The following GBF1 variants were observed in gnomAD, a reference collection of about 807,000 sequenced individuals.
GBF1 encodes the protein Golgi-specific brefeldin A-resistance guanine nucleotide exchange factor 1.
GBF1 carries 114 observed loss-of-function variants against 210.5 expected under a neutral mutation model. The ratio of observed to expected loss-of-function variants is 0.54; its 90% confidence interval spans 0.47 to 0.63. GBF1 has a LOEUF of 0.63. GBF1 is among the 30% of genes least tolerant of loss of function. The pLI is 0.00. For synonymous variants in GBF1, 850 were observed against 889.2 expected (o/e 0.96, Z 0.78); for missense variants, 1,851 against 2,357.7 (o/e 0.79, Z 4.45).
chr10:102,251,306 T>C (rs1445631470), intron 1 of GBF1, among the ~76,000 whole-genome samples: 2 of 152,182 alleles, frequency 1.3e-5, no homozygotes, highest in Non-Finnish European at 2.9e-5. Context: ...CTCAGAGTTA[T>C]TGTCTTCTAT....
chr10:102,343,545 C>T (rs1048304291), intron 3 of GBF1, among the ~76,000 whole-genome samples: 45 of 152,128 alleles, frequency 3.0e-4, no homozygotes, highest in African/African-American at 9.2e-4. Flanking sequence ...GGGCCAGGCA[C>T]GGTGGCTCGC....
At chr10:102,283,404 A>C (rs1158541327) in intron 3 of GBF1, among the ~76,000 whole-genome samples, 1 of 152,204 alleles carries the variant, frequency 6.6e-6, no homozygotes. Context: ...AATAGCAATG[A>C]GCAAAACAAT....
At chr10:102,379,223 G>A (rs979107522) in intron 33 of GBF1, 61 bp from the exon 34 acceptor site, 8 of 1,515,976 alleles carry the variant, frequency 5.3e-6, no homozygotes, top group Middle Eastern at 4.7e-4. Context: ...TGAGTGGGGA[G>A]GGGGAAAGGG....
chr10:102,380,559 G>T lies in GBF1; in HGVS notation c.5046G>T (p.Ala1682=), dbSNP rs137857537. 6.2e-7 allele frequency: 1 copy of T among 1,613,922 alleles called. No homozygotes were observed. Among genetic ancestry groups the T allele is most frequent in the South Asian group, 1.1e-5 (1 of 91,084 alleles). Residue 1682 remains alanine (A), a synonymous_variant, in exon 38 of 40, where the codon GCG becomes GCT. Coordinates refer to ENST00000369983, the MANE Select transcript of GBF1 (RefSeq NM_001377137.1). The part of the protein sequence containing the change: ...LKNMLLVMDT[A]EIFHSADARG... ...ACATGCTTCTGGTGATGGACACAGC[G>T]GAGATTTTCCACAGTGCAGATGCAC... is the stretch of plus-strand genomic sequence containing the variant.
chr10:102,297,904 A>G (rs1405575964), intron 3 of GBF1, among the ~76,000 whole-genome samples: 1 of 152,122 alleles, frequency 6.6e-6, no homozygotes, highest in African/African-American at 2.4e-5. Flanking sequence ...CTGGAATGAA[A>G]GAGTTGAAAC....
At chr10:102,317,005 C>A (rs1299095342) in intron 3 of GBF1, among the ~76,000 whole-genome samples, 3 of 152,120 alleles carry the variant, frequency 2.0e-5, no homozygotes, top group Non-Finnish European at 2.9e-5. Flanking sequence ...TCATGAACAA[C>A]AAAGCAGTGC....
At position 102,366,981 on chromosome 10, in the gene GBF1, G is replaced by A; in HGVS notation, c.2434-104G>A. The stretch of plus-strand genomic sequence containing the variant: ...GTTGGCAAGAGACTGGCCACTTTCT[G>A]GATGGTACCTCTCCTCTGTACTAGC... On this transcript the variant is annotated intron_variant, in intron 19 of 39. Coordinates refer to ENST00000369983, the MANE Select transcript of GBF1 (RefSeq NM_001377137.1). The surrounding 1 kb of genome is among the most constrained non-coding windows in gnomAD (Gnocchi z 4.0). 1 of 1,282,140 alleles carries A rather than the reference G, an allele frequency of 7.8e-7. No individual in the cohort carries two copies. Among genetic ancestry groups the A allele is most frequent in the East Asian group, 2.3e-5 (1 of 42,762 alleles). The allele number at this position is 1,282,140 out of a possible 1,614,324, so 79.4% of individuals were successfully genotyped here.
intron 3 of GBF1, among the ~76,000 whole-genome samples, chr10:102,322,125 G>T (rs1038078634): frequency 6.6e-6 from 1 of 152,230 alleles, no homozygotes; most frequent in African/African-American, 2.4e-5. Context: ...TTCCCACAGT[G>T]CTGGGATTAC....
chr10:102,293,764 GTTTTGTGTTT>G lies in GBF1; in HGVS notation c.163+33653_163+33662del, dbSNP rs1276335281. Among the ~76,000 whole-genome samples, 23 of 50,894 alleles carry G rather than the reference GTTTTGTGTTT, an allele frequency of 4.5e-4. 2 individuals carry two copies. The South Asian group carries it at 4.9e-3, about 11-fold the overall frequency. The allele number at this position is 50,894 out of a possible 152,430, so 33.4% of individuals were successfully genotyped here. ...AAAATATTTTGTACAGCTGTAGTAT[GTTTTGTGTTT>G]TTTTTTTTTTTTTTTTTTTTTGAGA... is the stretch of plus-strand genomic sequence containing the variant. On this transcript the variant is annotated intron_variant, in intron 3 of 39. Transcript: ENST00000369983.
chr10:102,239,885 G>C, the GBF1 span, among the ~76,000 whole-genome samples: 1 of 152,200 alleles, frequency 6.6e-6, no homozygotes, highest in Admixed American at 6.5e-5. Context: ...CCGGCTGTTA[G>C]GTAGGGCCAA....
chr10:102,351,111 G>T, intron 4 of GBF1, 145 bp from the exon 5 acceptor site: 1 of 524,534 alleles, frequency 1.9e-6, no homozygotes, highest in Non-Finnish European at 3.4e-6. Context: ...AAAATCAGTT[G>T]TGGGCAAAAA....
intron 3 of GBF1, among the ~76,000 whole-genome samples, chr10:102,342,387 A>ACG (rs201346125): frequency 1.3e-5 from 2 of 148,902 alleles, no homozygotes; most frequent in Non-Finnish European, 3.0e-5. Context: ...TTTCACACAC[A>ACG]CGCACACACA....
the GBF1 span, among the ~76,000 whole-genome samples, chr10:102,237,281 G>A: frequency 6.6e-6 from 1 of 152,268 alleles, no homozygotes; most frequent in South Asian, 2.1e-4. Flanking sequence ...CGAGTGTTGG[G>A]AGCTCAGAGA....
intron 3 of GBF1, among the ~76,000 whole-genome samples, chr10:102,299,734 A>G (rs1268615654): frequency 6.6e-6 from 1 of 152,214 alleles, no homozygotes; most frequent in African/African-American, 2.4e-5. Flanking sequence ...TGGTGAGCCA[A>G]GATCACGCTG....
At chr10:102,246,142 A>T (rs963105478) in intron 1 of GBF1, among the ~76,000 whole-genome samples, 1 of 152,166 alleles carries the variant, frequency 6.6e-6, no homozygotes, top group East Asian at 1.9e-4. Context: ...CATTGTGTCT[A>T]CTTTTATGGG....
At chr10:102,330,686 CA>C (rs200631331) in intron 3 of GBF1, among the ~76,000 whole-genome samples, 11 of 146,772 alleles carry the variant, frequency 7.5e-5, no homozygotes, top group South Asian at 2.2e-4. Flanking sequence ...AATTCCATCT[CA>C]AAAAAAAAAT....
At chr10:102,283,414 T>C (rs541622196) in intron 3 of GBF1, among the ~76,000 whole-genome samples, 1 of 152,146 alleles carries the variant, frequency 6.6e-6, no homozygotes, top group East Asian at 1.9e-4. Context: ...AGCAAAACAA[T>C]GAGAAAGAGC....
At position 102,361,251 on chromosome 10, in the gene GBF1, T is replaced by G. The variant is rs1365741592; in HGVS notation, c.1491+131T>G. The G allele has an allele frequency of 9.2e-6, 6 of 652,490 alleles. No individual in the cohort carries two copies. The East Asian group carries it at 1.6e-4, about 18-fold the overall frequency. 40.4% of individuals were successfully genotyped at this position (652,490 alleles called of 1,614,324 possible). ...TTCCTATAGGAGAGTCCTTTTAGCCTCCAGAGTTCGGTTCAATCAACTGGC... is the reference window on the plus strand; with the variant it reads ...TTCCTATAGGAGAGTCCTTTTAGCCGCCAGAGTTCGGTTCAATCAACTGGC... On this transcript the variant is annotated intron_variant, in intron 13 of 39. Transcript: ENST00000369983.
chr10:102,376,237 C>T (rs1382265487), intron 30 of GBF1, 35 bp from the exon 31 acceptor site: 1 of 1,589,258 alleles, frequency 6.3e-7, no homozygotes, highest in Non-Finnish European at 8.6e-7. Flanking sequence ...GCCCCATCCC[C>T]ACCCTGACTC....
Sources: gnomAD v4.1 joint callset for allele counts (sites outside exome capture counted in the v4.1 genomes callset) on GRCh38, gnomAD v4.1.1 for gene constraint, Gnocchi (gnomAD v3.1) non-coding constraint, MANE v1.5 for transcripts, NCBI Gene and HGNC (gene_info 2026-07-23, HGNC 2026-07-21) for gene names.